ZNF223: variants seen among roughly 807,000 people sequenced by gnomAD.
ZNF223 encodes the protein Homo sapiens zinc finger protein 223.
Under a neutral mutation model 12.3 loss-of-function variants are expected in ZNF223, and 9 were observed. The observed-to-expected ratio is 0.73, with a 90% CI of 0.44 to 1.28. ZNF223 has a LOEUF of 1.28. Ranked by LOEUF, ZNF223 falls within the 50% of genes most tolerant of loss-of-function variation. The probability of loss-of-function intolerance (pLI) is 0.00; values close to 1 mark genes in which losing one functional copy is unlikely to be tolerated. For missense variants in ZNF223, 506 were observed against 579.0 expected (o/e 0.87, Z 1.29); for synonymous variants, 171 against 195.2 (o/e 0.88, Z 1.03).
At chr19:44,061,922 C>T (rs80113862) in intron 4 of ZNF223, among the ~76,000 whole-genome samples, 2,341 of 152,312 alleles carry the variant, frequency 0.015, 75 homozygotes, top group African/African-American at 0.054. Context: ...ACCATCCTAT[C>T]TTTACTTGGC....
intron 3 of ZNF223, 77 bp downstream of exon 3, chr19:44,060,658 T>C: frequency 6.2e-7 from 1 of 1,613,260 alleles, no homozygotes; most frequent in Non-Finnish European, 8.5e-7. Context: ...CAAGTTTGAG[T>C]GTGCAGTGGG....
rs1976719504 is a variant in ZNF223, at chr19:44,052,846, TTAAA to T, written c.-69+655_-69+658del. On this transcript the variant is annotated intron_variant, in intron 1 of 4. Coordinates refer to ENST00000434772, the MANE Select transcript of ZNF223 (RefSeq NM_013361.6). ...ATGGTAGATAATATTGGATATTATG[TTAAA>T]TAATACTGTTACCGATTACATGTCA... Among the ~76,000 whole-genome samples the T allele has an allele frequency of 2.0e-5, 3 of 151,958 alleles. No individual in the cohort carries two copies. The South Asian group carries it at 6.2e-4, about 32-fold the overall frequency.
At position 44,066,086 on chromosome 19, in the gene ZNF223, G is replaced by A; in HGVS notation, c.258G>A (p.Met86Ile). 6.2e-7 allele frequency: 1 copy of A among 1,600,306 alleles called. No homozygotes were observed. The highest frequency in any genetic ancestry group is 8.5e-7 in the Non-Finnish European group (1 of 1,175,428). The change falls in exon 5 of 5, where the codon ATG becomes ATA. Residue 86 changes from methionine (M) to isoleucine (I), a missense_variant. Transcript: ENST00000434772. ...TAGGAGGCAAGATCCAACCTGAGAT[G>A]AAGACTTTTCCAGAAGCAGGACCAC... ...GNSGGKIQPEMKTFPEAGPHE... is the reference protein window; with the variant it reads ...GNSGGKIQPEIKTFPEAGPHE...
At chr19:44,055,796 C>G (rs1480269216) in intron 2 of ZNF223, among the ~76,000 whole-genome samples, 3 of 151,968 alleles carry the variant, frequency 2.0e-5, no homozygotes, top group African/African-American at 7.2e-5. Flanking sequence ...CAAAAAAAGT[C>G]TAGTAATACT....
At chr19:44,053,063 G>T (rs1266282691) in intron 1 of ZNF223, among the ~76,000 whole-genome samples, 3 of 152,046 alleles carry the variant, frequency 2.0e-5, no homozygotes, top group African/African-American at 7.3e-5. Context: ...TTTATGCGTT[G>T]TCTTTAGCTG....
chr19:44,055,228 A>G, intron 2 of ZNF223, 37 bp downstream of exon 2: 2 of 1,610,180 alleles, frequency 1.2e-6, no homozygotes, highest in South Asian at 1.1e-5. Flanking sequence ...TTAAAATTCC[A>G]TCTCACTACT....
rs1976936540 is a variant in ZNF223, at chr19:44,067,401, T to C, written c.*124T>C. Reference sequence around the variant, plus strand: ...TATCTCTTTTTTGTGTTGAGAAAATTAAAAATTCATTGTTCCAGCAGTTTG... The same window carrying C: ...TATCTCTTTTTTGTGTTGAGAAAATCAAAAATTCATTGTTCCAGCAGTTTG... On this transcript the variant is annotated 3_prime_UTR_variant, in exon 5 of 5. Coordinates refer to ENST00000434772, the MANE Select transcript of ZNF223 (RefSeq NM_013361.6). 8.7e-7 allele frequency: 1 copy of C among 1,143,644 alleles called. No homozygotes were observed. The highest frequency in any genetic ancestry group is 1.5e-5 in the African/African-American group (1 of 65,194). 70.8% of individuals were successfully genotyped at this position (1,143,644 alleles called of 1,614,324 possible). A position where few individuals can be genotyped will look rare whatever the true frequency, so the allele number is the denominator to read the frequency against.
chr19:44,059,670 G>C (rs1198185681), intron 2 of ZNF223, among the ~76,000 whole-genome samples: 5 of 152,200 alleles, frequency 3.3e-5, no homozygotes, highest in African/African-American at 1.2e-4. Context: ...CAGTCTGTCT[G>C]TCCCTGTCCT....
chr19:44,067,124 T>C lies in ZNF223; in HGVS notation c.1296T>C (p.Asp432=), dbSNP rs755932378. ...HCRKKPFKCE[D]CGKKLVYRSY... is the part of the protein sequence containing the mutation. ...GAAAAAAACCATTCAAATGTGAGGATTGTGGAAAGAAGCTTGTATACCGGT... is the reference window on the plus strand; with the variant it reads ...GAAAAAAACCATTCAAATGTGAGGACTGTGGAAAGAAGCTTGTATACCGGT... Residue 432 remains aspartate, a synonymous_variant, in exon 5 of 5, where the codon GAT becomes GAC. Transcript: ENST00000434772. The C allele has an allele frequency of 3.1e-6, 5 of 1,613,398 alleles. No homozygotes were observed. The highest frequency in any genetic ancestry group is 4.5e-5 in the East Asian group (2 of 44,868).
chr19:44,066,035 C>A, intron 4 of ZNF223, 29 bp from the exon 5 acceptor site: 1 of 1,555,900 alleles, frequency 6.4e-7, no homozygotes, highest in South Asian at 1.3e-5. Flanking sequence ...CATAGCTTGT[C>A]CTGATCTCTT....
At chr19:44,052,914 C>T (rs1396878330) in intron 1 of ZNF223, among the ~76,000 whole-genome samples, 5 of 152,042 alleles carry the variant, frequency 3.3e-5, no homozygotes, top group African/African-American at 1.2e-4. Flanking sequence ...TTGTAGTGTA[C>T]TTACTAGATA....
At chr19:44,065,353 C>T (rs752264322) in intron 4 of ZNF223, among the ~76,000 whole-genome samples, 5 of 152,018 alleles carry the variant, frequency 3.3e-5, no homozygotes, top group Admixed American at 6.6e-5. Flanking sequence ...GGCAAATATA[C>T]GAAGTATTTA....
chr19:44,067,439 T>G lies in ZNF223; in HGVS notation c.*162T>G. 1.1e-6 allele frequency: 1 copy of G among 910,456 alleles called. No homozygotes were observed. Among genetic ancestry groups the G allele is most frequent in the Non-Finnish European group, 1.7e-6 (1 of 581,996 alleles). 56.4% of individuals were successfully genotyped at this position (910,456 alleles called of 1,614,324 possible). ...TTCCAGCAGTTTGAAAATAAATTGT[T>G]GTCGATGATAGTCACCTTTAGTGCT... On this transcript the variant is annotated 3_prime_UTR_variant, in exon 5 of 5. Transcript: ENST00000434772.
At chr19:44,056,161 C>G (rs554766616) in intron 2 of ZNF223, among the ~76,000 whole-genome samples, 1 of 152,074 alleles carries the variant, frequency 6.6e-6, no homozygotes, top group African/African-American at 2.4e-5. Context: ...TACCCAAGGA[C>G]AGTGATTACC....
chr19:44,055,269 G>A (rs1332398954), intron 2 of ZNF223, 78 bp downstream of exon 2: 1 of 1,521,068 alleles, frequency 6.6e-7, no homozygotes, highest in Non-Finnish European at 9.1e-7. Flanking sequence ...TCTGCCCTGG[G>A]AAGACTCAAG....
rs185097042 is a variant in ZNF223 at position 44,067,955 on chromosome 19, A to G, written c.*678A>G. The G allele has an allele frequency of 1.3e-5, 2 of 152,560 alleles. No individual in the cohort carries two copies. The highest frequency in any genetic ancestry group is 3.9e-4 in the East Asian group (2 of 5,186). 9.5% of individuals were successfully genotyped at this position (152,560 alleles called of 1,614,324 possible). ...GCAACAGAGTGAGACCCTGTCTCCA[A>G]AAAAAAAAATTAAATAAATACCTTT... On this transcript the variant is annotated 3_prime_UTR_variant, in exon 5 of 5. Coordinates refer to ENST00000434772, the MANE Select transcript of ZNF223 (RefSeq NM_013361.6).
At chr19:44,059,213 C>G (rs1976806380) in intron 2 of ZNF223, among the ~76,000 whole-genome samples, 1 of 152,214 alleles carries the variant, frequency 6.6e-6, no homozygotes, top group African/African-American at 2.4e-5. Flanking sequence ...AGGAATACCA[C>G]TCATCCAGTC....
intron 2 of ZNF223, among the ~76,000 whole-genome samples, chr19:44,058,938 C>A (rs778712897): frequency 6.6e-6 from 1 of 152,108 alleles, no homozygotes; most frequent in Non-Finnish European, 1.5e-5. Flanking sequence ...CTAGGGGCAC[C>A]CCCAGCATGC....
At position 44,067,116 on chromosome 19, in the gene ZNF223, T is replaced by A; in HGVS notation, c.1288T>A (p.Cys430Ser). The A allele has an allele frequency of 1.2e-6, 2 of 1,613,438 alleles. No homozygotes were observed. Among genetic ancestry groups the A allele is most frequent in the South Asian group, 2.2e-5 (2 of 90,862 alleles). The change falls in exon 5 of 5, where the codon TGT (cysteine) becomes AGT (serine). Residue 430 changes from cysteine (C) to serine (S), a missense_variant. Transcript: ENST00000434772. ...RLHCRKKPFKCEDCGKKLVYR... is the reference protein window; with the variant it reads ...RLHCRKKPFKSEDCGKKLVYR... ...CCATTGCCGAAAAAAACCATTCAAA[T>A]GTGAGGATTGTGGAAAGAAGCTTGT...
Sources: gnomAD v4.1 joint callset for allele counts (sites outside exome capture counted in the v4.1 genomes callset) on GRCh38, gnomAD v4.1.1 for gene constraint, MANE v1.5 for transcripts, NCBI Gene and HGNC (gene_info 2026-07-23, HGNC 2026-07-21) for gene names.